Variants in PRTG observed in about 807,000 individuals in gnomAD.
PRTG encodes protogenin.
PRTG carries 67 observed loss-of-function variants against 122.5 expected under a neutral mutation model. The observed-to-expected ratio is 0.55, with a 90% CI of 0.45 to 0.67. The LOEUF is 0.67. Ranked by LOEUF, PRTG falls within the 30% of genes least tolerant of loss-of-function variation. The pLI is 0.00. For missense variants in PRTG, 1,435 were observed against 1,415.4 expected (o/e 1.01, Z -0.22); for synonymous variants, 554 against 501.1 (o/e 1.11, Z -1.41).
intron 2 of PRTG, among the ~76,000 whole-genome samples, chr15:55,729,591 A>AAAAAT (rs1327999268): frequency 9.9e-5 from 15 of 151,912 alleles, no homozygotes; most frequent in Middle Eastern, 3.4e-3. Flanking sequence ...TGCGGGGAAA[A>AAAAAT]AAAATAAAAT....
At chr15:55,663,343 T>A (rs2059420076) in intron 11 of PRTG, among the ~76,000 whole-genome samples, 1 of 152,138 alleles carries the variant, frequency 6.6e-6, no homozygotes, top group Non-Finnish European at 1.5e-5. Context: ...ATTTAAAAAT[T>A]AACATATACT....
chr15:55,679,380 C>G lies in PRTG; in HGVS notation c.1039G>C (p.Val347Leu). Residue 347 changes from valine (V) to leucine (L), a missense_variant, in exon 7 of 20, where the codon GTG becomes CTG. By Grantham distance (32) the Val-to-Leu change is conservative. Coordinates refer to ENST00000389286, the MANE Select transcript of PRTG (RefSeq NM_173814.6). Reference sequence around the variant, plus strand: ...GAGGGGATTCCTTCTGCCTGACACACAAATCGAGCAGTGCCAGCTCGAGGC... The same window carrying G: ...GAGGGGATTCCTTCTGCCTGACACAGAAATCGAGCAGTGCCAGCTCGAGGC... The part of the protein sequence containing the change: ...TRPRAGTARF[V>L]CQAEGIPSPK... 1 of 1,613,520 alleles carries G rather than the reference C, an allele frequency of 6.2e-7. No homozygotes were observed. Among genetic ancestry groups the G allele is most frequent in the Non-Finnish European group, 8.5e-7 (1 of 1,179,524 alleles).
At chr15:55,730,781 C>G (rs1320511955) in intron 2 of PRTG, among the ~76,000 whole-genome samples, 1 of 152,122 alleles carries the variant, frequency 6.6e-6, no homozygotes, top group Non-Finnish European at 1.5e-5. Flanking sequence ...ACCTGGGCAA[C>G]AGAGAGCAAG....
At chr15:55,627,824 G>C (rs150187816) in intron 16 of PRTG, among the ~76,000 whole-genome samples, 2 of 152,184 alleles carry the variant, frequency 1.3e-5, no homozygotes, top group East Asian at 1.9e-4. Context: ...ATACACTAAA[G>C]CAGGGCTTCT....
Position 55,678,013 on chromosome 15 carries a change from C to T in PRTG, c.1165G>A (p.Asp389Asn), listed in dbSNP as rs775131930. The T allele has an allele frequency of 1.9e-6, 3 of 1,600,010 alleles. No homozygotes were observed. In the Admixed American group the frequency reaches 5.0e-5, roughly 27 times the overall value. The change falls in exon 8 of 20, where the codon GAT (aspartate) becomes AAT (asparagine). Residue 389 changes from aspartate to asparagine, a missense_variant. Transcript: ENST00000389286. ...GCCATGCACTGATAAATAGCATCAT[C>T]TTCAGGAATAATCTGGTTAATTACC... ...KLVINQIIPE[D>N]DAIYQCMAEN...
In PRTG at chr15:55,618,573, C is replaced by A. The variant is rs539117186; in HGVS notation, c.*1439G>T. On this transcript the variant is annotated 3_prime_UTR_variant, in exon 20 of 20. Coordinates refer to ENST00000389286, the MANE Select transcript of PRTG (RefSeq NM_173814.6). ...GAGTAAACAATTTGCTGATTTCAAACCTGCAAGAGGATTAACTCACTCCTG... is the reference window on the plus strand; with the variant it reads ...GAGTAAACAATTTGCTGATTTCAAAACTGCAAGAGGATTAACTCACTCCTG... 10 of 152,274 alleles carry A rather than the reference C, an allele frequency of 6.6e-5. No individual in the cohort carries two copies. Among genetic ancestry groups the A allele is most frequent in the African/African-American group, 2.2e-4 (9 of 41,550 alleles). 9.4% of individuals were successfully genotyped at this position (152,274 alleles called of 1,614,324 possible).
chr15:55,687,156 T>G, intron 2 of PRTG, among the ~76,000 whole-genome samples: 1 of 152,220 alleles, frequency 6.6e-6, no homozygotes, highest in Non-Finnish European at 1.5e-5. Flanking sequence ...TTCTATTAGG[T>G]CTTTAAGCAC....
At chr15:55,646,110 A>G (rs1443669252) in intron 11 of PRTG, among the ~76,000 whole-genome samples, 1 of 151,240 alleles carries the variant, frequency 6.6e-6, no homozygotes, top group Admixed American at 6.6e-5. Flanking sequence ...GCATTCAAGC[A>G]ATTCCCCTGC....
At chr15:55,661,543 TGCTATGCAGTTTCAGGGTAG>T (rs1408464922) in intron 11 of PRTG, among the ~76,000 whole-genome samples, 1 of 152,214 alleles carries the variant, frequency 6.6e-6, no homozygotes, top group Non-Finnish European at 1.5e-5. Context: ...GGGTTATCTG[TGCTATGCAGTTTCAGGGTAG>T]ACAATTTTCT....
intron 2 of PRTG, among the ~76,000 whole-genome samples, chr15:55,734,845 A>G (rs1282251626): frequency 6.6e-6 from 1 of 152,178 alleles, no homozygotes; most frequent in Non-Finnish European, 1.5e-5. Flanking sequence ...CTCTGCATAC[A>G]TATCCTTACA....
chr15:55,640,010 A>G (rs2059280735), intron 12 of PRTG, 182 bp from the exon 13 acceptor site: 1 of 961,908 alleles, frequency 1.0e-6, no homozygotes, highest in African/African-American at 1.8e-5. Flanking sequence ...TGAGTTATAT[A>G]AGAAGTCAAA....
chr15:55,732,276 C>T (rs1326121001), intron 2 of PRTG, among the ~76,000 whole-genome samples: 2 of 152,138 alleles, frequency 1.3e-5, no homozygotes, highest in African/African-American at 2.4e-5. Flanking sequence ...GCTACCTCCG[C>T]CTCCTGGGTT....
At chr15:55,679,548 A>G (rs1250054186) in intron 6 of PRTG, 103 bp from the exon 7 acceptor site, 4 of 791,610 alleles carry the variant, frequency 5.1e-6, no homozygotes, top group Admixed American at 5.4e-5. Flanking sequence ...ATTCCTGAAG[A>G]TGCCTGACAT....
intron 2 of PRTG, among the ~76,000 whole-genome samples, chr15:55,710,994 C>T (rs2030360390): frequency 1.3e-5 from 2 of 152,038 alleles, no homozygotes; most frequent in African/African-American, 4.8e-5. Flanking sequence ...GCAAACTCCA[C>T]CTCCTGGGTT....
intron 11 of PRTG, among the ~76,000 whole-genome samples, chr15:55,647,695 G>A (rs555078038): frequency 6.6e-6 from 1 of 152,320 alleles, no homozygotes; most frequent in African/African-American, 2.4e-5. Flanking sequence ...GTGCCTGGGA[G>A]AAAAGGTAGT....
chr15:55,680,746 G>T (rs1472644688), intron 4 of PRTG, 118 bp from the exon 5 acceptor site: 16 of 593,464 alleles, frequency 2.7e-5, no homozygotes, highest in East Asian at 6.8e-5. Flanking sequence ...ACTTTATTGA[G>T]ATATAACTCA....
At chr15:55,716,448 G>C (rs574685909) in intron 2 of PRTG, among the ~76,000 whole-genome samples, 2 of 152,104 alleles carry the variant, frequency 1.3e-5, no homozygotes, top group Non-Finnish European at 2.9e-5. Context: ...CTGAACTCTT[G>C]GTTAGCCCTT....
chr15:55,676,659 A>G (rs1205350063), intron 8 of PRTG, among the ~76,000 whole-genome samples: 1 of 152,202 alleles, frequency 6.6e-6, no homozygotes, highest in Non-Finnish European at 1.5e-5. Flanking sequence ...CTACCAAACA[A>G]GGTCCTTGAG....
chr15:55,675,694 G>A lies in PRTG; in HGVS notation c.1382-11C>T. ...CTTCATTATTTAAACCTAAATTAAAGAATCCATGTTTTAAAATGACAGATA... is the reference window on the plus strand; with the variant it reads ...CTTCATTATTTAAACCTAAATTAAAAAATCCATGTTTTAAAATGACAGATA... On this transcript the variant is annotated splice_polypyrimidine_tract_variant and intron_variant, in intron 8 of 19. Coordinates refer to ENST00000389286, the MANE Select transcript of PRTG (RefSeq NM_173814.6). The A allele has an allele frequency of 8.0e-6, 12 of 1,498,742 alleles. No individual in the cohort carries two copies. Among genetic ancestry groups the A allele is most frequent in the Non-Finnish European group, 1.1e-5 (12 of 1,082,122 alleles). 92.8% of individuals were successfully genotyped at this position (1,498,742 alleles called of 1,614,324 possible).
Sources: allele counts gnomAD v4.1 joint callset (sites outside exome capture counted in the v4.1 genomes callset), GRCh38; gene constraint gnomAD v4.1.1; transcripts MANE v1.5; gene names NCBI Gene and HGNC (gene_info 2026-07-23, HGNC 2026-07-21).